ARHGEF12: variants seen among roughly 807,000 people sequenced by gnomAD.
ARHGEF12 encodes KMT2A/ARHGEF12 fusion protein.
A neutral mutation model predicts 211.2 loss-of-function variants in ARHGEF12; 66 were observed. The ratio of observed to expected loss-of-function variants is 0.31; its 90% CI spans 0.26 to 0.38. ARHGEF12 has a LOEUF of 0.38. Ranked by LOEUF, ARHGEF12 falls within the 10% of genes least tolerant of loss-of-function variation. ARHGEF12 has a pLI of 1.00. For synonymous variants in ARHGEF12, 592 were observed against 638.4 expected, an observed-to-expected ratio of 0.93 and a Z score of 1.09; for missense variants, 1,429 against 1,869.5, an observed-to-expected ratio of 0.76 and a Z score of 4.34.
In ARHGEF12 at chr11:120,378,025, C is replaced by T. The variant is rs989385666; in HGVS notation, c.33-28093C>T. Reference sequence around the variant, plus strand: ...TAGGGATCCTCCCACCTCACCCTCCCAAAGTGCTGGGATTACAGGCATGAG... The same window carrying T: ...TAGGGATCCTCCCACCTCACCCTCCTAAAGTGCTGGGATTACAGGCATGAG... On this transcript the variant is annotated intron_variant, in intron 1 of 40. Coordinates refer to ENST00000397843, the MANE Select transcript of ARHGEF12 (RefSeq NM_015313.3). Among the ~76,000 whole-genome samples, 15 of 152,190 alleles carry T rather than the reference C, an allele frequency of 9.9e-5. 1 individual carries two copies. The highest frequency in any genetic ancestry group is 4.6e-4 in the Admixed American group (7 of 15,286).
chr11:120,442,311 AC>A, intron 15 of ARHGEF12, 109 bp downstream of exon 15: 1 of 699,920 alleles, frequency 1.4e-6, no homozygotes, highest in Non-Finnish European at 2.2e-6. Flanking sequence ...GCTTTCTCAC[AC>A]CTGTATTATA....
At chr11:120,409,316 T>A (rs916083925) in intron 3 of ARHGEF12, 78 bp from the exon 4 acceptor site, 2 of 1,423,374 alleles carry the variant, frequency 1.4e-6, no homozygotes, top group Non-Finnish European at 2.0e-6. Flanking sequence ...GATTCATTCT[T>A]TTTTCCCCAT....
rs1343789971 is a variant in ARHGEF12 at position 120,489,686 on chromosome 11, T to C, written c.*4609T>C. The C allele has an allele frequency of 4.8e-6, 1 of 207,710 alleles. No homozygotes were observed. The highest frequency in any genetic ancestry group is 7.2e-5 in the East Asian group (1 of 13,814). The allele number at this position is 207,710 out of a possible 1,614,324, so 12.9% of individuals were successfully genotyped here. On this transcript the variant is annotated 3_prime_UTR_variant, in exon 41 of 41. Coordinates refer to ENST00000397843, the MANE Select transcript of ARHGEF12 (RefSeq NM_015313.3). ...TGGCTGACGGAGCTAATAAGCGTAA[T>C]AAAATGCTTAGTAGTTTATACCATC... is the stretch of plus-strand genomic sequence containing the variant.
chr11:120,366,532 A>G (rs11217839), intron 1 of ARHGEF12, among the ~76,000 whole-genome samples: 2,073 of 152,266 alleles, frequency 0.014, 58 homozygotes, highest in African/African-American at 0.048. Flanking sequence ...TGTTGTTGCA[A>G]TTCAAATATG....
chr11:120,411,772 G>GTTTT (rs900148939), intron 4 of ARHGEF12: 1 of 145,252 alleles, frequency 6.9e-6, no homozygotes, highest in African/African-American at 2.5e-5. Flanking sequence ...TTGTTTGTTT[G>GTTTT]TTTTTTTAAT....
At chr11:120,341,189 C>G (rs565905508) in intron 1 of ARHGEF12, among the ~76,000 whole-genome samples, 1 of 150,992 alleles carries the variant, frequency 6.6e-6, no homozygotes, top group African/African-American at 2.4e-5. Flanking sequence ...TCCTGAGTAG[C>G]TGGGATTACA....
In ARHGEF12 at chr11:120,477,511, G is replaced by T; in HGVS notation, c.3517G>T (p.Gly1173Cys). 1.2e-6 allele frequency: 2 copies of T among 1,611,924 alleles called. No individual in the cohort carries two copies. The highest frequency in any genetic ancestry group is 1.7e-6 in the Non-Finnish European group (2 of 1,179,768). The part of the protein sequence containing the change: ...KEEQHGISVT[G>C]LQSPDRDLGL... The stretch of plus-strand genomic sequence containing the variant: ...GGAGCAGCATGGCATTTCAGTCACT[G>T]GTTTGCAGAGTCCAGGTACACTCTT... Residue 1173 changes from glycine to cysteine, a missense_variant, in exon 36 of 41, where the codon GGT (glycine) becomes TGT (cysteine). Gly to Cys is a radical substitution (Grantham distance 159). Transcript: ENST00000397843.
At chr11:120,478,770 A>G (rs1453831246) in intron 37 of ARHGEF12, among the ~76,000 whole-genome samples, 1 of 152,220 alleles carries the variant, frequency 6.6e-6, no homozygotes, top group African/African-American at 2.4e-5. Context: ...GGAAAGAGGT[A>G]TGGAATGGTG....
At chr11:120,452,541 A>G (rs974235112) in intron 22 of ARHGEF12, among the ~76,000 whole-genome samples, 5 of 152,160 alleles carry the variant, frequency 3.3e-5, no homozygotes, top group Non-Finnish European at 5.9e-5. Flanking sequence ...TGAATAGCTT[A>G]ATATTCATGG....
At chr11:120,396,125 G>T (rs1223036623) in intron 1 of ARHGEF12, among the ~76,000 whole-genome samples, 1 of 152,132 alleles carries the variant, frequency 6.6e-6, no homozygotes, top group Non-Finnish European at 1.5e-5. Flanking sequence ...AGAAGGGTGA[G>T]AGCATGTCAG....
chr11:120,449,847 T>C (rs892944944), intron 21 of ARHGEF12: 3 of 150,184 alleles, frequency 2.0e-5, no homozygotes, highest in Non-Finnish European at 4.4e-5. Context: ...AAAAAAAAAG[T>C]GTGTATAGAT....
At chr11:120,432,466 A>G (rs1945577814) in intron 11 of ARHGEF12, among the ~76,000 whole-genome samples, 1 of 152,222 alleles carries the variant, frequency 6.6e-6, no homozygotes, top group African/African-American at 2.4e-5. Flanking sequence ...AACACCATAG[A>G]CATATGAATA....
chr11:120,364,749 A>G (rs1287314659), intron 1 of ARHGEF12, among the ~76,000 whole-genome samples: 3 of 152,192 alleles, frequency 2.0e-5, no homozygotes, highest in African/African-American at 7.2e-5. Flanking sequence ...CTTCAAATAT[A>G]ATGCCAGTTA....
chr11:120,399,321 CAAAAAAAAAAAAAAAAAAAA>C (rs71050743), intron 1 of ARHGEF12, among the ~76,000 whole-genome samples: 2 of 36,502 alleles, frequency 5.5e-5, no homozygotes, highest in Admixed American at 1.1e-3. Flanking sequence ...ACATTGTCTC[CAAAAAAAAAAAAAAAAAAAA>C]AAAAAAAAAA....
intron 1 of ARHGEF12, among the ~76,000 whole-genome samples, chr11:120,381,362 G>T (rs1439494296): frequency 6.6e-6 from 1 of 152,032 alleles, no homozygotes; most frequent in Non-Finnish European, 1.5e-5. Flanking sequence ...AAGAAACCTG[G>T]CTCCAGCCAC....
At chr11:120,397,334 C>T (rs1477370188) in intron 1 of ARHGEF12, among the ~76,000 whole-genome samples, 4 of 152,164 alleles carry the variant, frequency 2.6e-5, no homozygotes, top group Admixed American at 1.3e-4. Context: ...GAATTGATCT[C>T]GGGGACGAGT....
chr11:120,426,830 G>T (rs1379187667), intron 7 of ARHGEF12, among the ~76,000 whole-genome samples: 1 of 151,978 alleles, frequency 6.6e-6, no homozygotes, highest in Non-Finnish European at 1.5e-5. Context: ...AAAAAGTTTT[G>T]CCATATCTAT....
intron 1 of ARHGEF12, among the ~76,000 whole-genome samples, chr11:120,368,017 G>T (rs1020419467): frequency 6.6e-6 from 1 of 152,098 alleles, no homozygotes; most frequent in African/African-American, 2.4e-5. Context: ...AAGACCGAAA[G>T]ATTTCATTAT....
chr11:120,366,068 G>A (rs188957832), intron 1 of ARHGEF12: 1 of 152,262 alleles, frequency 6.6e-6, no homozygotes, highest in African/African-American at 2.4e-5. Context: ...CACCAGCCTG[G>A]GCAACATAAC....
Sources: allele counts gnomAD v4.1 joint callset (sites outside exome capture counted in the v4.1 genomes callset), GRCh38; gene constraint gnomAD v4.1.1; transcripts MANE v1.5; gene names NCBI Gene and HGNC (gene_info 2026-07-23, HGNC 2026-07-21).